The following PCDHGA6 variants were observed in gnomAD, a reference collection of about 807,000 sequenced individuals.
PCDHGA6 encodes the protein protocadherin gamma-A6.
In PCDHGA6, 41 loss-of-function variants were observed where a neutral mutation model predicts 60.6. That is an observed-to-expected ratio of 0.68 (90% CI 0.53 to 0.88). The LOEUF is 0.88. Among genes scored for constraint, PCDHGA6 ranks in the 40% least tolerant of loss-of-function variants. The pLI is 0.00. For missense variants in PCDHGA6, 1,312 were observed against 1,203.0 expected, an observed-to-expected ratio of 1.09 and a Z score of -1.34; for synonymous variants, 594 against 524.4, an observed-to-expected ratio of 1.13 and a Z score of -1.81.
intron 1 of PCDHGA6, chr5:141,398,248 A>G (rs908511447): frequency 1.4e-6 from 2 of 1,472,692 alleles, no homozygotes; most frequent in African/African-American, 2.9e-5. Flanking sequence ...TCCCGAGGAA[A>G]TGCCCAAGGG....
At chr5:141,429,726 C>T (rs931967000) in intron 1 of PCDHGA6, among the ~76,000 whole-genome samples, 23 of 152,068 alleles carry the variant, frequency 1.5e-4, no homozygotes, top group Admixed American at 1.3e-4. Flanking sequence ...CATGAAAGTA[C>T]GTAGCCAGTT....
chr5:141,487,822 G>C lies in PCDHGA6; in HGVS notation c.2425-6985G>C. On this transcript the variant is annotated intron_variant, in intron 1 of 3. Coordinates refer to ENST00000517434, the MANE Select transcript of PCDHGA6 (RefSeq NM_018919.3). The surrounding 1 kb of genome is among the most constrained non-coding windows in gnomAD (Gnocchi z 5.0). ...TGTCACAGTTTAGCATTGGGGGCGGGTCATGCCTATATCTGAGTAAGAAAT... is the reference window on the plus strand; with the variant it reads ...TGTCACAGTTTAGCATTGGGGGCGGCTCATGCCTATATCTGAGTAAGAAAT... 1 of 1,278,758 alleles carries C rather than the reference G, an allele frequency of 7.8e-7. No individual in the cohort carries two copies. The highest frequency in any genetic ancestry group is 1.4e-5 in the South Asian group (1 of 69,172). The allele number at this position is 1,278,758 out of a possible 1,614,324, so 79.2% of individuals were successfully genotyped here. A position where few individuals can be genotyped will look rare whatever the true frequency, so the allele number is the denominator to read the frequency against.
intron 1 of PCDHGA6, chr5:141,478,523 G>A: frequency 1.2e-6 from 2 of 1,609,908 alleles, no homozygotes; most frequent in Non-Finnish European, 1.7e-6. Flanking sequence ...GGTGTTGGGT[G>A]CAGAGAGCGC....
chr5:141,425,742 A>T (rs1315830227), intron 1 of PCDHGA6, among the ~76,000 whole-genome samples: 1 of 152,246 alleles, frequency 6.6e-6, no homozygotes, highest in Non-Finnish European at 1.5e-5. Flanking sequence ...GTTTTCCCAC[A>T]AGGTTTTTGT....
chr5:141,484,845 G>T (rs541372844), intron 1 of PCDHGA6, among the ~76,000 whole-genome samples: 10 of 152,076 alleles, frequency 6.6e-5, no homozygotes, highest in Admixed American at 2.6e-4. Flanking sequence ...GATAGGCTGG[G>T]TTTTTTGGGG....
intron 3 of PCDHGA6, among the ~76,000 whole-genome samples, chr5:141,508,752 C>G (rs2099871515): frequency 6.6e-6 from 1 of 152,028 alleles, no homozygotes. Flanking sequence ...CGCTCTTTCT[C>G]TGGCGCCTCT....
At chr5:141,399,579 C>CT (rs1419885738) in intron 1 of PCDHGA6, 1 of 1,614,026 alleles carries the variant, frequency 6.2e-7, no homozygotes, top group African/African-American at 1.3e-5. Context: ...GCCAAGTCTC[C>CT]TACTCTATCA....
intron 1 of PCDHGA6, chr5:141,403,041 A>T: frequency 6.2e-7 from 1 of 1,614,084 alleles, no homozygotes; most frequent in Non-Finnish European, 8.5e-7. Flanking sequence ...AGGGCCAGTC[A>T]GATTCGCTAC....
chr5:141,382,896 G>A (rs754850386), intron 1 of PCDHGA6: 5 of 1,537,678 alleles, frequency 3.3e-6, no homozygotes, highest in Admixed American at 2.1e-5. Context: ...GAAGCAGGAC[G>A]ACTATGGCGG....
chr5:141,376,549 T>C (rs757110514), intron 1 of PCDHGA6, 42 bp downstream of exon 1: 1 of 1,612,108 alleles, frequency 6.2e-7, no homozygotes, highest in East Asian at 2.2e-5. Context: ...AATCTGATCT[T>C]CCCGCAACCC....
At chr5:141,498,231 A>T (rs1213697084) in intron 2 of PCDHGA6, among the ~76,000 whole-genome samples, 1 of 152,268 alleles carries the variant, frequency 6.6e-6, no homozygotes, top group East Asian at 1.9e-4. Flanking sequence ...ATGGTCAGGC[A>T]TACCAGCTTC....
chr5:141,404,982 G>GGATTA (rs1244941764), intron 1 of PCDHGA6: 10 of 1,613,938 alleles, frequency 6.2e-6, no homozygotes, highest in Non-Finnish European at 8.5e-6. Context: ...GACCTGGGCA[G>GGATTA]TCTTCAGATC....
At chr5:141,502,925 C>T (rs962871271) in intron 2 of PCDHGA6, among the ~76,000 whole-genome samples, 5 of 145,518 alleles carry the variant, frequency 3.4e-5, no homozygotes, top group Non-Finnish European at 5.9e-5. Flanking sequence ...GCAGTGGCAA[C>T]CTTCACCTCC....
rs143278253 is a variant in PCDHGA6 at position 141,476,491 on chromosome 5, C to T, written c.2425-18316C>T. 9.5e-5 allele frequency: 153 copies of T among 1,613,894 alleles called. No individual in the cohort carries two copies. The highest frequency in any genetic ancestry group is 5.4e-5 in the Non-Finnish European group (64 of 1,180,020). On this transcript the variant is annotated intron_variant, in intron 1 of 3. Transcript: ENST00000517434. This position sits in a 1 kb window ranked among gnomAD's most constrained non-coding sequence, Gnocchi z 7.6. ...AGCTGTTCAGCGTGGAAGTGGTGAT[C>T]CAGGACATCAACGACAACAATCCTG... is the stretch of plus-strand genomic sequence containing the variant.
chr5:141,431,673 G>A lies in PCDHGA6; in HGVS notation c.2424+55166G>A. On this transcript the variant is annotated intron_variant, in intron 1 of 3. Coordinates refer to ENST00000517434, the MANE Select transcript of PCDHGA6 (RefSeq NM_018919.3). The surrounding 1 kb of genome is among the most constrained non-coding windows in gnomAD (Gnocchi z 4.8). ...AATTCAGGGACAATATCAACAATAG[G>A]GGAGTTGGACCACGAGGAGTCAGGA... 1 of 1,614,214 alleles carries A rather than the reference G, an allele frequency of 6.2e-7. No homozygotes were observed. The highest frequency in any genetic ancestry group is 8.5e-7 in the Non-Finnish European group (1 of 1,180,044).
chr5:141,393,118 G>C (rs1254219994), intron 1 of PCDHGA6: 31 of 1,613,354 alleles, frequency 1.9e-5, no homozygotes, highest in Non-Finnish European at 2.5e-5. Flanking sequence ...AGCCCGCGGT[G>C]TCTGATAAAT....
chr5:141,415,189 A>T (rs575244490), intron 1 of PCDHGA6: 2 of 1,613,840 alleles, frequency 1.2e-6, no homozygotes, highest in Non-Finnish European at 1.7e-6. Context: ...GGCCGACAGC[A>T]TCCCCCAAGT....
chr5:141,381,583 A>G (rs766567706), intron 1 of PCDHGA6, among the ~76,000 whole-genome samples: 1 of 152,214 alleles, frequency 6.6e-6, no homozygotes, highest in Non-Finnish European at 1.5e-5. Context: ...CAGCCAATCC[A>G]TTATCCAGTT....
chr5:141,512,897 C>T lies in PCDHGA6; in HGVS notation c.*1724C>T, dbSNP rs1482341871. ...CTCCCACCCCACCCTCTTCCTGTGT[C>T]TCACGCAAGTTTTATACTCTAATAT... On this transcript the variant is annotated 3_prime_UTR_variant, in exon 4 of 4. Coordinates refer to ENST00000517434, the MANE Select transcript of PCDHGA6 (RefSeq NM_018919.3). 1.3e-5 allele frequency: 2 copies of T among 152,274 alleles called. No homozygotes were observed. The highest frequency in any genetic ancestry group is 4.8e-5 in the African/African-American group (2 of 41,470). The allele number at this position is 152,274 out of a possible 1,614,324, so 9.4% of individuals were successfully genotyped here. A position where few individuals can be genotyped will look rare whatever the true frequency, so the allele number is the denominator to read the frequency against.
Sources: allele counts gnomAD v4.1 joint callset (sites outside exome capture counted in the v4.1 genomes callset), GRCh38; gene constraint gnomAD v4.1.1; non-coding constraint Gnocchi (gnomAD v3.1); transcripts MANE v1.5; gene names NCBI Gene and HGNC (gene_info 2026-07-23, HGNC 2026-07-21).